Variants in CHD2 observed in about 807,000 individuals in gnomAD.
The protein encoded by CHD2 is chromodomain helicase DNA binding protein 2, also known as ATP-dependent chromatin remodeler CHD2.
CHD2 carries 28 observed loss-of-function variants against 243.9 expected under a neutral mutation model. That is an observed-to-expected ratio of 0.11 (90% CI 0.09 to 0.16). The LOEUF is 0.16. CHD2 is among the 10% of genes least tolerant of loss of function. The pLI is 1.00. For synonymous variants in CHD2, 775 were observed against 779.0 expected, an observed-to-expected ratio of 0.99 and a Z score of 0.09; for missense variants, 1,386 against 2,209.8, an observed-to-expected ratio of 0.63 and a Z score of 7.47.
At chr15:92,967,598 G>GTTTTT in intron 17 of CHD2, 85 bp downstream of exon 17, 6 of 611,362 alleles carry the variant, frequency 9.8e-6, no homozygotes, top group Admixed American at 4.5e-5. Context: ...ATATACTTTT[G>GTTTTT]TTTTTTTTTT....
chr15:92,975,939 C>T (rs1230023410), intron 20 of CHD2, among the ~76,000 whole-genome samples: 1 of 152,144 alleles, frequency 6.6e-6, no homozygotes, highest in African/African-American at 2.4e-5. Flanking sequence ...AATTCCCATT[C>T]CTCCTTTCCT....
chr15:92,966,182 G>A (rs1366432434), intron 16 of CHD2, among the ~76,000 whole-genome samples: 1 of 150,528 alleles, frequency 6.6e-6, no homozygotes, highest in East Asian at 2.0e-4. Flanking sequence ...TCCTGCCTCA[G>A]CCTCCTGAGT....
chr15:92,931,574 T>C (rs2053167433), intron 5 of CHD2, among the ~76,000 whole-genome samples: 1 of 152,002 alleles, frequency 6.6e-6, no homozygotes, highest in Non-Finnish European at 1.5e-5. Context: ...GAGGTCTCAC[T>C]ACGTTGCCCT....
In CHD2 at chr15:93,020,119, GACC is replaced by G; in HGVS notation, c.5019_5021del (p.His1674del). On this transcript the variant is annotated inframe_deletion, in exon 38 of 39. Transcript: ENST00000394196. ...TCAGTATGAGCAGCACTGGTACAAGGACCACCATTATGGGGACCGGCGACATAT... is the reference window on the plus strand; with the variant it reads ...TCAGTATGAGCAGCACTGGTACAAGGACCATTATGGGGACCGGCGACATAT... 1 of 1,614,142 alleles carries G rather than the reference GACC, an allele frequency of 6.2e-7. No homozygotes were observed. Among genetic ancestry groups the G allele is most frequent in the Non-Finnish European group, 8.5e-7 (1 of 1,180,022 alleles).
At chr15:92,991,705 G>A in intron 27 of CHD2, 188 bp downstream of exon 27, 1 of 447,522 alleles carries the variant, frequency 2.2e-6, no homozygotes. Flanking sequence ...GGATGACAAA[G>A]ATGATAAAGA....
At chr15:92,999,816 A>C (rs974147918) in intron 31 of CHD2, among the ~76,000 whole-genome samples, 12 of 152,168 alleles carry the variant, frequency 7.9e-5, no homozygotes, top group Non-Finnish European at 1.5e-4. Context: ...TATTATATGT[A>C]ACTTGCTTTC....
rs535870172 is a variant in CHD2 at position 92,997,654 on chromosome 15, G to A, written c.3885+251G>A. The A allele has an allele frequency of 2.0e-5, 6 of 300,762 alleles. No homozygotes were observed. In the Admixed American group the frequency reaches 2.3e-4, roughly 12 times the overall value. The allele number at this position is 300,762 out of a possible 1,614,324, so 18.6% of individuals were successfully genotyped here. A position where few individuals can be genotyped will look rare whatever the true frequency, so the allele number is the denominator to read the frequency against. ...CTTAAAATTCTGGTATTTAATTATA[G>A]GTCAGATTTCATTACAATAAATACC... On this transcript the variant is annotated intron_variant, in intron 30 of 38. Coordinates refer to ENST00000394196, the MANE Select transcript of CHD2 (RefSeq NM_001271.4). The surrounding 1 kb of genome is among the most constrained non-coding windows in gnomAD (Gnocchi z 4.1).
chr15:93,003,150 CG>C (rs1567160263), intron 33 of CHD2, among the ~76,000 whole-genome samples: 3 of 152,014 alleles, frequency 2.0e-5, no homozygotes, highest in Admixed American at 6.6e-5. Flanking sequence ...CTGGGCATTG[CG>C]GCATGTGCCT....
intron 5 of CHD2, among the ~76,000 whole-genome samples, chr15:92,933,998 A>T (rs2053222215): frequency 6.6e-6 from 1 of 151,630 alleles, no homozygotes; most frequent in African/African-American, 2.4e-5. Context: ...GATCATTGGA[A>T]TTTTTTTTTC....
At chr15:92,966,173 C>G (rs980158146) in intron 16 of CHD2, among the ~76,000 whole-genome samples, 1 of 150,632 alleles carries the variant, frequency 6.6e-6, no homozygotes, top group African/African-American at 2.4e-5. Flanking sequence ...CAGTGATTCT[C>G]CTGCCTCAGC....
chr15:92,973,857 T>G (rs1007210663), intron 19 of CHD2: 5 of 152,208 alleles, frequency 3.3e-5, no homozygotes, highest in African/African-American at 1.2e-4. Flanking sequence ...GTTTTCTGAT[T>G]TCAAGTAAAG....
intron 3 of CHD2, among the ~76,000 whole-genome samples, chr15:92,925,406 G>C (rs949536104): frequency 2.0e-5 from 3 of 152,222 alleles, no homozygotes; most frequent in Non-Finnish European, 4.4e-5. Context: ...GGACAAATAA[G>C]AACACAAGAT....
At position 92,953,441 on chromosome 15, in the gene CHD2, A is replaced by T; in HGVS notation, c.1587A>T (p.Gln529His). ...CATTCCTCTCCTACCTGTTCCACCA[A>T]CACCAGCTGTATGGCCCCTTTCTTA... ...TISFLSYLFH[Q>H]HQLYGPFLIV... The change falls in exon 14 of 39, where the codon CAA becomes CAT. Residue 529 changes from glutamine (Q) to histidine (H), a missense_variant. Around this residue, in one of 19 missense-constraint regions of CHD2, gnomAD observed 63 missense variants for 108.8 expected, o/e 0.58. Transcript: ENST00000394196. The T allele has an allele frequency of 6.2e-7, 1 of 1,614,122 alleles. No homozygotes were observed. Among genetic ancestry groups the T allele is most frequent in the Non-Finnish European group, 8.5e-7 (1 of 1,180,026 alleles).
chr15:92,989,940 A>G (rs1426180284), intron 26 of CHD2, among the ~76,000 whole-genome samples: 1 of 152,218 alleles, frequency 6.6e-6, no homozygotes, highest in Non-Finnish European at 1.5e-5. Flanking sequence ...AGAGCTTTTC[A>G]GAGTATCTAT....
intron 4 of CHD2, among the ~76,000 whole-genome samples, chr15:92,927,850 T>G (rs769820329): frequency 1.2e-4 from 19 of 152,334 alleles, no homozygotes; most frequent in South Asian, 1.2e-3. Flanking sequence ...TCAAACATAC[T>G]TACTCTAATT....
chr15:92,940,866 A>G (rs1237717310), intron 7 of CHD2, among the ~76,000 whole-genome samples: 53 of 124,494 alleles, frequency 4.3e-4, no homozygotes, highest in Middle Eastern at 3.9e-3. Context: ...ATAAATATAT[A>G]AAAATATACA....
Position 92,998,099 on chromosome 15 carries a change from C to T in CHD2, c.3886-400C>T, listed in dbSNP as rs1011003141. 11 of 796,448 alleles carry T rather than the reference C, an allele frequency of 1.4e-5. No individual in the cohort carries two copies. The East Asian group carries it at 5.7e-4, about 41-fold the overall frequency. The allele number at this position is 796,448 out of a possible 1,614,324, so 49.3% of individuals were successfully genotyped here. A position where few individuals can be genotyped will look rare whatever the true frequency, so the allele number is the denominator to read the frequency against. On this transcript the variant is annotated intron_variant, in intron 30 of 38. Transcript: ENST00000394196. The surrounding 1 kb of genome is among the most constrained non-coding windows in gnomAD (Gnocchi z 5.1). Reference sequence around the variant, plus strand: ...TGTCCTGGCGTAGCTCAGTGCTCTCCGGCAATGCTCTAAGAAGCATTTTCA... The same window carrying T: ...TGTCCTGGCGTAGCTCAGTGCTCTCTGGCAATGCTCTAAGAAGCATTTTCA...
chr15:92,917,567 C>T (rs1449353424), intron 2 of CHD2, among the ~76,000 whole-genome samples: 1 of 152,022 alleles, frequency 6.6e-6, no homozygotes, highest in African/African-American at 2.4e-5. Context: ...TCTCAAAAAA[C>T]AAACAAGCAA....
intron 2 of CHD2, among the ~76,000 whole-genome samples, chr15:92,916,742 C>T (rs778593059): frequency 2.6e-5 from 4 of 152,046 alleles, no homozygotes; most frequent in African/African-American, 7.2e-5. Flanking sequence ...TTAGTAGAGA[C>T]GGGGTTTCAC....
Sources: allele counts gnomAD v4.1 joint callset (sites outside exome capture counted in the v4.1 genomes callset), GRCh38; gene constraint gnomAD v4.1.1; regional missense constraint gnomAD v4.1.1; non-coding constraint Gnocchi (gnomAD v3.1); transcripts MANE v1.5; gene names NCBI Gene and HGNC (gene_info 2026-07-23, HGNC 2026-07-21).